The following IL18RAP variants were observed in gnomAD, a reference collection of about 807,000 sequenced individuals.
IL18RAP encodes the protein interleukin-18 receptor accessory protein.
A neutral mutation model predicts 58.1 loss-of-function variants in IL18RAP; 37 were observed. The observed-to-expected ratio is 0.64, with a 90% CI of 0.49 to 0.84. IL18RAP has a LOEUF of 0.84. Ranked by LOEUF, IL18RAP falls within the 40% of genes least tolerant of loss-of-function variation. IL18RAP has a pLI of 0.00. For missense variants in IL18RAP, 667 were observed against 704.8 expected, an observed-to-expected ratio of 0.95 and a Z score of 0.61; for synonymous variants, 268 against 257.5, an observed-to-expected ratio of 1.04 and a Z score of -0.39.
chr2:102,445,476 G>A (rs1401891377), intron 7 of IL18RAP, 136 bp downstream of exon 7: 10 of 890,514 alleles, frequency 1.1e-5, no homozygotes, highest in Non-Finnish European at 1.7e-5. Flanking sequence ...CACTTTCCTG[G>A]TGTCAACCCA....
chr2:102,444,604 G>T, intron 6 of IL18RAP, among the ~76,000 whole-genome samples: 1 of 152,212 alleles, frequency 6.6e-6, no homozygotes, highest in Non-Finnish European at 1.5e-5. Flanking sequence ...ATGGATTGTA[G>T]ATTGGTAACT....
At chr2:102,423,412 C>CGTGATATATCACACTG in intron 1 of IL18RAP, 65 bp downstream of exon 1, 2 of 1,273,944 alleles carry the variant, frequency 1.6e-6, no homozygotes, top group Non-Finnish European at 2.3e-6. Flanking sequence ...TGATGGATAA[C>CGTGATATATCACACTG]CTGATATATC....
intron 4 of IL18RAP, chr2:102,438,864 T>C (rs527734082): frequency 2.0e-5 from 3 of 152,372 alleles, no homozygotes; most frequent in East Asian, 1.9e-4. Flanking sequence ...TGAAGCAGGC[T>C]GTCATAATAC....
chr2:102,425,399 G>C (rs889161266), intron 3 of IL18RAP, among the ~76,000 whole-genome samples: 1 of 152,096 alleles, frequency 6.6e-6, no homozygotes, highest in African/African-American at 2.4e-5. Flanking sequence ...TGAGACTCCA[G>C]GCTAATAGGA....
rs746179640 is a variant in IL18RAP at position 102,451,804 on chromosome 2, A to G, written c.1423A>G (p.Arg475Gly). ...CATTGTGAGCATTATTAAGAGAAGC[A>G]GAAGAGGAATATTTATCTTGAGCCC... The part of the protein sequence containing the change: ...EDIVSIIKRS[R>G]RGIFILSPNY... Residue 475 changes from arginine to glycine, a missense_variant, in exon 10 of 10, where the codon AGA becomes GGA. Physicochemically the swap from Arg to Gly is moderately radical, Grantham distance 125 (BLOSUM62 -2). Coordinates refer to ENST00000687160, the MANE Select transcript of IL18RAP (RefSeq NM_001393487.1). The G allele has an allele frequency of 6.2e-7, 1 of 1,613,718 alleles. No homozygotes were observed. The highest frequency in any genetic ancestry group is 8.5e-7 in the Non-Finnish European group (1 of 1,179,738).
upstream of IL18RAP, chr2:102,423,088 G>T: frequency 3.2e-6 from 2 of 629,234 alleles, no homozygotes; most frequent in Admixed American, 2.8e-5. Context: ...AGGCCGGTTT[G>T]GGTAGGACCT....
chr2:102,429,067 A>T (rs770141283), intron 3 of IL18RAP, among the ~76,000 whole-genome samples: 14 of 151,986 alleles, frequency 9.2e-5, no homozygotes, highest in South Asian at 2.1e-4. Flanking sequence ...ACCATGGTGA[A>T]TGATTCTTTT....
At chr2:102,433,483 C>G (rs966739059) in intron 3 of IL18RAP, among the ~76,000 whole-genome samples, 12 of 152,172 alleles carry the variant, frequency 7.9e-5, no homozygotes, top group African/African-American at 2.9e-4. Context: ...CTTGGCCTTC[C>G]AAAGTGCTGG....
At chr2:102,436,698 C>T (rs144943089) in intron 3 of IL18RAP, among the ~76,000 whole-genome samples, 1 of 152,062 alleles carries the variant, frequency 6.6e-6, no homozygotes, top group Non-Finnish European at 1.5e-5. Flanking sequence ...AAGCCACTCA[C>T]GTTCCAGAAC....
intron 5 of IL18RAP, among the ~76,000 whole-genome samples, chr2:102,442,764 G>A (rs11465709): frequency 4.3e-4 from 66 of 152,182 alleles, no homozygotes; most frequent in Non-Finnish European, 8.2e-4. Context: ...TTTAAACCAC[G>A]TGCTACAATA....
chr2:102,422,564 G>T (rs1279042401), upstream of IL18RAP, among the ~76,000 whole-genome samples: 1 of 152,134 alleles, frequency 6.6e-6, no homozygotes, highest in Non-Finnish European at 1.5e-5. Flanking sequence ...GGTTTGAAAG[G>T]TCCCATGACT....
rs1298598157 is a variant in IL18RAP at position 102,441,353 on chromosome 2, G to A, written c.772G>A (p.Glu258Lys). ...CAAACCAGATATTCTGGATCCTGTC[G>A]AGGACACACTGGAAGTAGAACTTGG... is the stretch of plus-strand genomic sequence containing the variant. ...KLKPDILDPV[E>K]DTLEVELGKP... The change falls in exon 5 of 10, where the codon GAG becomes AAG. Residue 258 changes from glutamate to lysine, a missense_variant. Coordinates refer to ENST00000687160, the MANE Select transcript of IL18RAP (RefSeq NM_001393487.1). The A allele has an allele frequency of 5.0e-6, 8 of 1,613,138 alleles. No homozygotes were observed. The highest frequency in any genetic ancestry group is 2.2e-5 in the East Asian group (1 of 44,862).
intron 9 of IL18RAP, 65 bp downstream of exon 9, chr2:102,451,086 T>C (rs990966093): frequency 7.7e-7 from 1 of 1,305,902 alleles, no homozygotes; most frequent in Non-Finnish European, 1.0e-6. Context: ...TCCCCAAGTC[T>C]TTTTTGTCAT....
chr2:102,420,945 C>A (rs927888877), upstream of IL18RAP, among the ~76,000 whole-genome samples: 1 of 152,206 alleles, frequency 6.6e-6, no homozygotes, highest in Admixed American at 6.5e-5. Context: ...TCATTTGGCA[C>A]TCTCCTAGGA....
Position 102,445,224 on chromosome 2 carries a change from G to A in IL18RAP, c.956G>A (p.Arg319His), listed in dbSNP as rs768468042. 16 of 1,613,768 alleles carry A rather than the reference G, an allele frequency of 9.9e-6. No homozygotes were observed. Among genetic ancestry groups the A allele is most frequent in the Admixed American group, 1.7e-5 (1 of 59,996 alleles). Reference sequence around the variant, plus strand: ...ACTTTAAAGGATGAAATCATTGAGCGTAATATCATCTTGGAAAAAGTCACT... The same window carrying A: ...ACTTTAAAGGATGAAATCATTGAGCATAATATCATCTTGGAAAAAGTCACT... Reference protein sequence around the residue: ...KSTLKDEIIERNIILEKVTQR... With the variant: ...KSTLKDEIIEHNIILEKVTQR... The change falls in exon 7 of 10, where the codon CGT (arginine) becomes CAT (histidine). Residue 319 changes from arginine to histidine, a missense_variant. Transcript: ENST00000687160.
At chr2:102,436,819 G>GTATATATATATA (rs751056931) in intron 3 of IL18RAP, among the ~76,000 whole-genome samples, 47 of 149,884 alleles carry the variant, frequency 3.1e-4, no homozygotes, top group African/African-American at 8.9e-4. Context: ...GTGTGTGTGT[G>GTATATATATATA]TATATATATA....
chr2:102,445,599 T>C (rs1031089451), intron 7 of IL18RAP, among the ~76,000 whole-genome samples: 1 of 152,214 alleles, frequency 6.6e-6, no homozygotes, highest in Non-Finnish European at 1.5e-5. Context: ...AAGCAACTCA[T>C]TCATGCACTC....
intron 4 of IL18RAP, among the ~76,000 whole-genome samples, chr2:102,438,387 G>A (rs1682889162): frequency 6.6e-6 from 1 of 152,168 alleles, no homozygotes; most frequent in Non-Finnish European, 1.5e-5. Flanking sequence ...CCAAGACCAA[G>A]TGAAACTCTC....
intron 3 of IL18RAP, chr2:102,434,658 A>G (rs1283635637): frequency 6.6e-6 from 1 of 152,202 alleles, no homozygotes; most frequent in African/African-American, 2.4e-5. Context: ...TGCTTAATTA[A>G]CTAAAAGGGC....
Sources: allele counts gnomAD v4.1 joint callset (sites outside exome capture counted in the v4.1 genomes callset), GRCh38; gene constraint gnomAD v4.1.1; transcripts MANE v1.5; gene names NCBI Gene and HGNC (gene_info 2026-07-23, HGNC 2026-07-21).